ANK2: variants seen among roughly 807,000 people sequenced by gnomAD.
ANK2 encodes the protein ankyrin 2, also known as ankyrin-2.
ANK2 carries 83 observed loss-of-function variants against 360.5 expected under a neutral mutation model. That is an observed-to-expected ratio of 0.23 (90% CI 0.19 to 0.28). The LOEUF (loss-of-function observed/expected upper bound fraction) is 0.28. ANK2 is among the 10% of genes least tolerant of loss of function. ANK2 has a pLI of 1.00. For missense variants in ANK2, 4,201 were observed against 4,795.7 expected (o/e 0.88, Z 3.66); for synonymous variants, 1,740 against 1,759.5 (o/e 0.99, Z 0.28).
chr4:113,278,165 T>A (rs1008931146), intron 16 of ANK2, among the ~76,000 whole-genome samples: 1 of 152,172 alleles, frequency 6.6e-6, no homozygotes, highest in African/African-American at 2.4e-5. Context: ...CCAGAAAGTC[T>A]CTATATTAAG....
intron 2 of ANK2, among the ~76,000 whole-genome samples, chr4:113,022,287 A>G (rs2058345033): frequency 6.6e-6 from 1 of 152,198 alleles, no homozygotes. Context: ...ACTAAGAGGA[A>G]AAGCATTACT....
At chr4:112,906,523 G>A (rs1472085410) in intron 2 of ANK2, among the ~76,000 whole-genome samples, 2 of 152,068 alleles carry the variant, frequency 1.3e-5, no homozygotes, top group Non-Finnish European at 2.9e-5. Context: ...TGGAGGTATG[G>A]GTTTCTGAAA....
intron 1 of ANK2, among the ~76,000 whole-genome samples, chr4:112,878,876 G>A (rs1658872475): frequency 6.6e-6 from 1 of 152,078 alleles, no homozygotes; most frequent in Non-Finnish European, 1.5e-5. Context: ...GCCCGCCTCA[G>A]CCTCCCAAAA....
At position 113,016,779 on chromosome 4, in the gene ANK2, G is replaced by C. The variant is rs181061037; in HGVS notation, c.21+112265G>C. On this transcript the variant is annotated intron_variant, in intron 2 of 30. Coordinates refer to the ANK2 transcript ENST00000503271. Reference sequence around the variant, plus strand: ...TGGTTTGTAGAGACACATTCTACTGGAAAGGCTCTAAAGAACTACTGAGGA... The same window carrying C: ...TGGTTTGTAGAGACACATTCTACTGCAAAGGCTCTAAAGAACTACTGAGGA... Among the ~76,000 whole-genome samples the C allele has an allele frequency of 1.1e-4, 17 of 152,302 alleles. No homozygotes were observed. The East Asian group carries it at 3.3e-3, about 29-fold the overall frequency.
At chr4:113,077,735 C>G (rs916543590) in intron 1 of ANK2, among the ~76,000 whole-genome samples, 3 of 152,240 alleles carry the variant, frequency 2.0e-5, no homozygotes, top group African/African-American at 7.2e-5. Context: ...TACTTTGCTT[C>G]TGTGCAAATC....
chr4:112,911,676 T>C (rs182177434), intron 2 of ANK2, among the ~76,000 whole-genome samples: 17 of 152,302 alleles, frequency 1.1e-4, no homozygotes, highest in Admixed American at 8.5e-4. Context: ...CCTTATTATG[T>C]TGTCATTGAC....
chr4:112,747,349 C>T, the ANK2 span, among the ~76,000 whole-genome samples: 1 of 152,142 alleles, frequency 6.6e-6, no homozygotes, highest in Non-Finnish European at 1.5e-5. Context: ...TGTCCATAGC[C>T]CACAGGCTGA....
At chr4:113,039,850 T>A (rs990817838) in intron 2 of ANK2, among the ~76,000 whole-genome samples, 4 of 151,994 alleles carry the variant, frequency 2.6e-5, no homozygotes, top group African/African-American at 9.7e-5. Context: ...TGGGTACATA[T>A]CTTTTAAAAT....
At chr4:113,309,479 G>A (rs139455161) in intron 23 of ANK2, among the ~76,000 whole-genome samples, 8 of 152,290 alleles carry the variant, frequency 5.3e-5, no homozygotes, top group Admixed American at 2.6e-4. Context: ...TAGGAACTCA[G>A]CGTAATCAGA....
the ANK2 span, among the ~76,000 whole-genome samples, chr4:112,731,318 A>T: frequency 6.6e-6 from 1 of 151,976 alleles, no homozygotes; most frequent in African/African-American, 2.4e-5. Flanking sequence ...AAAAAAGATA[A>T]ATATGTGAGG....
Position 112,960,475 on chromosome 4 carries a change from C to G in ANK2, c.21+55961C>G, listed in dbSNP as rs528039145. Among the ~76,000 whole-genome samples the G allele has an allele frequency of 7.2e-5, 11 of 152,012 alleles. 1 individual carries two copies. In the South Asian group the frequency reaches 2.3e-3, roughly 32 times the overall value. ...ATTTCCTTACAAAGTTTTTCTGGCT[C>G]TCAAATGTAATCGCTGTTTTGTTTT... On this transcript the variant is annotated intron_variant, in intron 2 of 30. Coordinates refer to the ANK2 transcript ENST00000503271.
chr4:112,965,535 A>G (rs2036869076), intron 2 of ANK2, among the ~76,000 whole-genome samples: 1 of 152,140 alleles, frequency 6.6e-6, no homozygotes, highest in South Asian at 2.1e-4. Flanking sequence ...TAGTCAAAAA[A>G]TTTTGCTCAG....
At chr4:112,965,905 T>C (rs1201603477) in intron 2 of ANK2, among the ~76,000 whole-genome samples, 2 of 151,922 alleles carry the variant, frequency 1.3e-5, no homozygotes, top group Non-Finnish European at 2.9e-5. Flanking sequence ...ATGTATTTTA[T>C]ATTATAAGAA....
At chr4:113,242,262 CAT>C in intron 9 of ANK2, 53 bp downstream of exon 9, 1 of 1,503,638 alleles carries the variant, frequency 6.7e-7, no homozygotes, top group South Asian at 1.1e-5. Context: ...TTTCAAGCCT[CAT>C]AGAAGGCACC....
intron 2 of ANK2, among the ~76,000 whole-genome samples, chr4:113,035,791 A>T (rs183912618): frequency 5.3e-5 from 8 of 152,054 alleles, no homozygotes; most frequent in Admixed American, 5.3e-4. Flanking sequence ...TAGAGAATGG[A>T]AGGAATACCT....
intron 31 of ANK2, among the ~76,000 whole-genome samples, chr4:113,338,840 C>T (rs183469445): frequency 3.9e-4 from 60 of 151,982 alleles, no homozygotes; most frequent in Middle Eastern, 6.8e-3. Context: ...TGAGTCACCG[C>T]GCCCGGCCGA....
At chr4:113,360,923 C>T in intron 39 of ANK2, 26 bp downstream of exon 39, 1 of 1,600,210 alleles carries the variant, frequency 6.2e-7, no homozygotes, top group African/African-American at 1.3e-5. Context: ...CCCAGGTTTT[C>T]AACAAAACCT....
At chr4:113,347,463 T>A (rs917153824) in intron 35 of ANK2, among the ~76,000 whole-genome samples, 2 of 152,068 alleles carry the variant, frequency 1.3e-5, no homozygotes, top group African/African-American at 4.8e-5. Flanking sequence ...GCCACCTGAG[T>A]GTTAAAGAAA....
intron 2 of ANK2, among the ~76,000 whole-genome samples, chr4:112,971,590 G>T (rs2039543042): frequency 6.6e-6 from 1 of 152,144 alleles, no homozygotes; most frequent in African/African-American, 2.4e-5. Context: ...ATATATAAAA[G>T]GCTAGAAGTC....
Sources: allele counts gnomAD v4.1 joint callset (sites outside exome capture counted in the v4.1 genomes callset), GRCh38; gene constraint gnomAD v4.1.1; transcripts MANE v1.5; gene names NCBI Gene and HGNC (gene_info 2026-07-23, HGNC 2026-07-21).